The following MAP2K3 variants were observed in gnomAD, a reference collection of about 807,000 sequenced individuals.
The protein encoded by MAP2K3 is mitogen-activated protein kinase kinase 3.
MAP2K3 carries 30 observed loss-of-function variants against 46.4 expected under a neutral mutation model. That is an observed-to-expected ratio of 0.65 (90% CI 0.48 to 0.88). The LOEUF (loss-of-function observed/expected upper bound fraction) is 0.88. Ranked by LOEUF, MAP2K3 falls within the 40% of genes least tolerant of loss-of-function variation. MAP2K3 has a pLI of 0.00. For synonymous variants in MAP2K3, 189 were observed against 176.3 expected, an observed-to-expected ratio of 1.07 and a Z score of -0.57; for missense variants, 380 against 464.5, an observed-to-expected ratio of 0.82 and a Z score of 1.67.
intron 3 of MAP2K3, 148 bp downstream of exon 3, chr17:21,299,074 T>G: frequency 8.4e-7 from 1 of 1,188,066 alleles, no homozygotes; most frequent in East Asian, 2.5e-5. Flanking sequence ...CGCTGCTGGC[T>G]GTGTGGCCCT....
intron 7 of MAP2K3, among the ~76,000 whole-genome samples, chr17:21,303,697 C>T (rs1002551137): frequency 6.6e-6 from 1 of 152,082 alleles, no homozygotes; most frequent in African/African-American, 2.4e-5. Flanking sequence ...ATCAGCCTCG[C>T]TTGATGTTTC....
intron 5 of MAP2K3, 85 bp from the exon 6 acceptor site, chr17:21,302,049 GGCTGGGGCT>G: frequency 7.8e-7 from 1 of 1,285,586 alleles, no homozygotes. Flanking sequence ...TCGGAGAGGG[GGCTGGGGCT>G]GGGGCTGGTG....
chr17:21,295,501 C>T (rs1371981337), intron 1 of MAP2K3: 3 of 918,210 alleles, frequency 3.3e-6, no homozygotes, highest in Middle Eastern at 5.5e-4. Context: ...ACAACGGCTG[C>T]ACCTGGGCAG....
Position 21,298,897 on chromosome 17 carries a change from T to C in MAP2K3, c.136T>C (p.Ser46Pro). ...PNPTPPRNLD[S>P]RTFITIGDRN... ...CCACAGACCCCCCCGGAACCTGGAC[T>C]CCCGGACCTTCATCACCATTGGAGA... Residue 46 changes from serine (S) to proline (P), a missense_variant, in exon 3 of 12, where the codon TCC becomes CCC. Around this residue, in one of 5 missense-constraint regions of MAP2K3, gnomAD observed 294 missense variants for 275.4 expected, o/e 1.07. Coordinates refer to ENST00000342679, the MANE Select transcript of MAP2K3 (RefSeq NM_145109.3). The C allele has an allele frequency of 6.2e-7, 1 of 1,614,194 alleles. No individual in the cohort carries two copies. The highest frequency in any genetic ancestry group is 2.2e-5 in the East Asian group (1 of 44,906).
intron 7 of MAP2K3, among the ~76,000 whole-genome samples, chr17:21,303,835 C>A (rs1452046718): frequency 1.3e-5 from 2 of 152,312 alleles, no homozygotes; most frequent in Non-Finnish European, 2.9e-5. Context: ...ACTGGGTGCC[C>A]ATCCCAGCCC....
chr17:21,293,128 C>A (rs935956217), intron 1 of MAP2K3, among the ~76,000 whole-genome samples: 1 of 152,298 alleles, frequency 6.6e-6, no homozygotes, highest in Non-Finnish European at 1.5e-5. Context: ...AGCTGCTCAA[C>A]GTGGAATTTC....
chr17:21,291,315 A>G (rs1597800886), intron 1 of MAP2K3: 1 of 77,196 alleles, frequency 1.3e-5, no homozygotes, highest in East Asian at 3.4e-4. Flanking sequence ...ATACAATACA[A>G]TAGAATACAA....
At chr17:21,304,709 A>C (rs1976797622) in intron 8 of MAP2K3, among the ~76,000 whole-genome samples, 156 bp downstream of exon 8, 1 of 152,300 alleles carries the variant, frequency 6.6e-6, no homozygotes, top group Non-Finnish European at 1.5e-5. Flanking sequence ...CTTGCTGCCC[A>C]GGGGCAGCCC....
At chr17:21,293,511 C>A (rs1303760371) in intron 1 of MAP2K3, among the ~76,000 whole-genome samples, 1 of 152,312 alleles carries the variant, frequency 6.6e-6, no homozygotes, top group Non-Finnish European at 1.5e-5. Context: ...GTTAGGGGTG[C>A]TCCCGAGCCA....
At chr17:21,298,235 T>G (rs1976372601) in intron 1 of MAP2K3, 178 bp from the exon 2 acceptor site, 1 of 878,324 alleles carries the variant, frequency 1.1e-6, no homozygotes, top group East Asian at 2.4e-5. Context: ...CCTGCAGGGC[T>G]GGTGGGCCTC....
intron 10 of MAP2K3, among the ~76,000 whole-genome samples, chr17:21,312,693 G>A (rs1318388036): frequency 6.6e-6 from 1 of 152,094 alleles, no homozygotes; most frequent in Non-Finnish European, 1.5e-5. Flanking sequence ...GAGGCAGGCG[G>A]ATCCCGAGGT....
intron 1 of MAP2K3, among the ~76,000 whole-genome samples, chr17:21,287,716 TGGAG>T (rs1400353404): frequency 1.3e-5 from 2 of 152,204 alleles, no homozygotes; most frequent in Non-Finnish European, 2.9e-5. Flanking sequence ...CATTTGTCCT[TGGAG>T]GGTACCACAC....
intron 11 of MAP2K3, 133 bp from the exon 12 acceptor site, chr17:21,314,014 G>A: frequency 1.4e-6 from 1 of 713,344 alleles, no homozygotes; most frequent in Middle Eastern, 2.5e-4. Flanking sequence ...GCCTCCTGGG[G>A]GTGGAGGTCC....
chr17:21,292,047 T>C (rs1368693230), intron 1 of MAP2K3, among the ~76,000 whole-genome samples: 1 of 152,312 alleles, frequency 6.6e-6, no homozygotes, highest in Non-Finnish European at 1.5e-5. Flanking sequence ...GGACCCAGGC[T>C]GGGGGCCTGA....
At chr17:21,291,698 CT>C (rs1325325174) in intron 1 of MAP2K3, 3 of 409,928 alleles carry the variant, frequency 7.3e-6, no homozygotes, top group African/African-American at 6.2e-5. Flanking sequence ...CCCTTTTGTG[CT>C]GGGGATTTTG....
chr17:21,298,847 C>T, intron 2 of MAP2K3, 31 bp from the exon 3 acceptor site: 4 of 1,614,290 alleles, frequency 2.5e-6, no homozygotes, highest in Non-Finnish European at 3.4e-6. Context: ...GTGGTTCTCT[C>T]TGAAGCTCAC....
intron 9 of MAP2K3, among the ~76,000 whole-genome samples, chr17:21,310,415 G>A (rs529091445): frequency 1.3e-4 from 20 of 152,322 alleles, no homozygotes; most frequent in African/African-American, 4.6e-4. Context: ...TGTTTCCCTT[G>A]TTCCTGCTGT....
chr17:21,314,504 G>T lies in MAP2K3; in HGVS notation c.*274G>T. On this transcript the variant is annotated 3_prime_UTR_variant, in exon 12 of 12. Coordinates refer to ENST00000342679, the MANE Select transcript of MAP2K3 (RefSeq NM_145109.3). ...TCTCCAGCTGCTGAGATCCTGGACTGAGGGGGCCTGGATGCCCCCTGTGGA... is the reference window on the plus strand; with the variant it reads ...TCTCCAGCTGCTGAGATCCTGGACTTAGGGGGCCTGGATGCCCCCTGTGGA... 2.1e-6 allele frequency: 1 copy of T among 481,764 alleles called. No homozygotes were observed. Among genetic ancestry groups the T allele is most frequent in the Non-Finnish European group, 3.8e-6 (1 of 264,518 alleles). The allele number at this position is 481,764 out of a possible 1,614,324, so 29.8% of individuals were successfully genotyped here.
At chr17:21,296,214 G>A (rs1976240544) in intron 1 of MAP2K3, 2 of 1,285,742 alleles carry the variant, frequency 1.6e-6, no homozygotes. Flanking sequence ...GGGGCAGGTG[G>A]GTGGCATTTC....
Sources: gnomAD v4.1 joint callset for allele counts (sites outside exome capture counted in the v4.1 genomes callset) on GRCh38, gnomAD v4.1.1 for gene constraint, gnomAD v4.1.1 regional missense constraint, MANE v1.5 for transcripts, NCBI Gene and HGNC (gene_info 2026-07-23, HGNC 2026-07-21) for gene names.